CMTM4: variants seen among roughly 807,000 people sequenced by gnomAD.
CMTM4 encodes the protein CKLF like MARVEL transmembrane domain containing 4.
In CMTM4, 8 loss-of-function variants were observed where a neutral mutation model predicts 19.0. The observed-to-expected ratio is 0.42, with a 90% CI of 0.25 to 0.76. The LOEUF (loss-of-function observed/expected upper bound fraction) is 0.76, where lower values mean the gene tolerates loss of function less well. Ranked by LOEUF, CMTM4 falls within the 30% of genes least tolerant of loss-of-function variation. CMTM4 has a pLI of 0.27. For synonymous variants in CMTM4, 106 were observed against 121.1 expected (o/e 0.88, Z 0.82); for missense variants, 228 against 290.2 (o/e 0.79, Z 1.56).
At chr16:66,648,590 G>A (rs957908876) in intron 1 of CMTM4, among the ~76,000 whole-genome samples, 3 of 151,204 alleles carry the variant, frequency 2.0e-5, no homozygotes, top group African/African-American at 4.9e-5. Context: ...CCCGGGAGGC[G>A]GAGGCTGCAG....
intron 2 of CMTM4, among the ~76,000 whole-genome samples, chr16:66,626,447 C>T (rs1201217157): frequency 6.6e-6 from 1 of 152,070 alleles, no homozygotes; most frequent in Non-Finnish European, 1.5e-5. Flanking sequence ...TCTACTAAAA[C>T]ACAAAAAATT....
At position 66,619,277 on chromosome 16, in the gene CMTM4, G is replaced by A. The variant is rs987514179; in HGVS notation, c.*2781C>T. 5 of 985,308 alleles carry A rather than the reference G, an allele frequency of 5.1e-6. No homozygotes were observed. In the African/African-American group the frequency reaches 5.2e-5, roughly 10 times the overall value. 61.0% of individuals were successfully genotyped at this position (985,308 alleles called of 1,614,324 possible). On this transcript the variant is annotated 3_prime_UTR_variant, in exon 4 of 4. Coordinates refer to ENST00000394106, the MANE Select transcript of CMTM4 (RefSeq NM_181521.3). ...AGTGCCAAAATAAACTTTCTCTGAG[G>A]ACATCAGTGTTTGCATCCATCTAAA...
downstream of CMTM4, among the ~76,000 whole-genome samples, chr16:66,614,104 A>C (rs1326433691): frequency 1.3e-5 from 2 of 152,206 alleles, no homozygotes; most frequent in Non-Finnish European, 2.9e-5. The surrounding 1 kb of genome is among the most constrained non-coding windows in gnomAD (Gnocchi z 4.9). Flanking sequence ...TAGGATTCGC[A>C]TTCCTATGAG....
chr16:66,680,852 T>G (rs2016902059), intron 1 of CMTM4, among the ~76,000 whole-genome samples: 1 of 151,486 alleles, frequency 6.6e-6, no homozygotes, highest in Non-Finnish European at 1.5e-5. Flanking sequence ...TTATGTCCTT[T>G]CCATCTCCAC....
chr16:66,622,110 G>A lies in CMTM4; in HGVS notation c.575C>T (p.Thr192Met), dbSNP rs765384276. Residue 192 changes from threonine (T) to methionine (M), a missense_variant, in exon 4 of 4, where the codon ACG becomes ATG. Around this residue, in one of 3 missense-constraint regions of CMTM4, gnomAD observed 200 missense variants for 226.6 expected, o/e 0.88. Coordinates refer to ENST00000394106, the MANE Select transcript of CMTM4 (RefSeq NM_181521.3). This position sits in a 1 kb window ranked among gnomAD's most constrained non-coding sequence, Gnocchi z 4.0. ...GCGACTGTCCACATCCCTGGACTCC[G>A]TGCGGGCTCGGATGTAGTCATTGGT... The part of the protein sequence containing the change: ...QSTNDYIRAR[T>M]ESRDVDSRPE... 14 of 1,600,954 alleles carry A rather than the reference G, an allele frequency of 8.7e-6. No individual in the cohort carries two copies. The highest frequency in any genetic ancestry group is 3.4e-5 in the South Asian group (3 of 88,834).
chr16:66,608,762 C>G, the CMTM4 span, among the ~76,000 whole-genome samples: 532 of 152,264 alleles, frequency 3.5e-3, 15 homozygotes, highest in Admixed American at 0.03. This position sits in a 1 kb window ranked among gnomAD's most constrained non-coding sequence, Gnocchi z 5.1. Context: ...AATGAGCTGC[C>G]GCCACAGGAA....
chr16:66,612,482 T>C (rs1164747823), downstream of CMTM4: 3 of 912,020 alleles, frequency 3.3e-6, no homozygotes, highest in African/African-American at 4.9e-5. This position sits in a 1 kb window ranked among gnomAD's most constrained non-coding sequence, Gnocchi z 6.0. Context: ...CTGGGAACGG[T>C]AGAGTCAGCT....
At chr16:66,608,696 C>T in the CMTM4 span, among the ~76,000 whole-genome samples, 2 of 152,292 alleles carry the variant, frequency 1.3e-5, no homozygotes, top group East Asian at 1.9e-4. The surrounding 1 kb of genome is among the most constrained non-coding windows in gnomAD (Gnocchi z 5.1). Context: ...GCAGGGAACC[C>T]GGAGAGGGGT....
chr16:66,649,668 C>T (rs1053385579), intron 1 of CMTM4, among the ~76,000 whole-genome samples: 1 of 152,180 alleles, frequency 6.6e-6, no homozygotes, highest in African/African-American at 2.4e-5. Context: ...TAAGCCTGGG[C>T]TCAACCTCAG....
chr16:66,651,836 A>C (rs966107394), intron 1 of CMTM4, among the ~76,000 whole-genome samples: 2 of 152,236 alleles, frequency 1.3e-5, no homozygotes, highest in African/African-American at 4.8e-5. Context: ...TAAACTTAAA[A>C]TATCACCCTC....
At chr16:66,609,904 A>G (rs1305560357), downstream of CMTM4, 3 of 1,614,036 alleles carry the variant, frequency 1.9e-6, no homozygotes, top group South Asian at 3.3e-5. This position sits in a 1 kb window ranked among gnomAD's most constrained non-coding sequence, Gnocchi z 4.4. Context: ...CTTTGCTACC[A>G]TCGTGTTTGC....
intron 2 of CMTM4, among the ~76,000 whole-genome samples, chr16:66,633,714 A>G (rs184856240): frequency 6.6e-6 from 1 of 151,882 alleles, no homozygotes; most frequent in Non-Finnish European, 1.5e-5. Context: ...GCTACTCAGG[A>G]GGCTGAGACA....
Position 66,696,336 on chromosome 16 carries a change from C to A in CMTM4, c.186+4G>T. 7.2e-7 allele frequency: 1 copy of A among 1,397,732 alleles called. No homozygotes were observed. The allele number at this position is 1,397,732 out of a possible 1,614,324, so 86.6% of individuals were successfully genotyped here. On this transcript the variant is annotated splice_donor_region_variant and intron_variant, in intron 1 of 3. Transcript: ENST00000394106. This position sits in a 1 kb window ranked among gnomAD's most constrained non-coding sequence, Gnocchi z 4.3. Reference sequence around the variant, plus strand: ...GGGCACCTGGGGCCCCGCCCGGCACCTACCACTTGGGCGACCTTGAGGCGG... The same window carrying A: ...GGGCACCTGGGGCCCCGCCCGGCACATACCACTTGGGCGACCTTGAGGCGG...
At chr16:66,656,216 T>C (rs1395775043) in intron 1 of CMTM4, among the ~76,000 whole-genome samples, 1 of 152,022 alleles carries the variant, frequency 6.6e-6, no homozygotes, top group Non-Finnish European at 1.5e-5. Flanking sequence ...AAGGAAAAAC[T>C]CTTTCCTACA....
Position 66,618,658 on chromosome 16 carries a change from G to T in CMTM4, c.*3400C>A. The stretch of plus-strand genomic sequence containing the variant: ...ACGTACATGAGTGCACAAAGGTGTT[G>T]GAGCTTGGTCTCCTCAGGCTTAACC... On this transcript the variant is annotated 3_prime_UTR_variant, in exon 4 of 4. Coordinates refer to ENST00000394106, the MANE Select transcript of CMTM4 (RefSeq NM_181521.3). 1.0e-6 allele frequency: 1 copy of T among 985,502 alleles called. No individual in the cohort carries two copies. The highest frequency in any genetic ancestry group is 1.2e-6 in the Non-Finnish European group (1 of 829,950). The allele number at this position is 985,502 out of a possible 1,614,324, so 61.0% of individuals were successfully genotyped here. A position where few individuals can be genotyped will look rare whatever the true frequency, so the allele number is the denominator to read the frequency against.
downstream of CMTM4, chr16:66,613,439 T>C (rs1476424244): frequency 5.7e-6 from 2 of 351,262 alleles, no homozygotes; most frequent in Non-Finnish European, 1.1e-5. Flanking sequence ...CAGGCAGGAG[T>C]TCCTGGACCC....
chr16:66,685,330 A>G (rs1401023627), intron 1 of CMTM4, among the ~76,000 whole-genome samples: 1 of 152,122 alleles, frequency 6.6e-6, no homozygotes, highest in African/African-American at 2.4e-5. Context: ...AGAGTCAGTG[A>G]TAACAGCTAT....
intron 2 of CMTM4, among the ~76,000 whole-genome samples, chr16:66,626,773 GAA>G (rs58052690): frequency 8.2e-6 from 1 of 121,942 alleles, no homozygotes; most frequent in African/African-American, 3.1e-5. Flanking sequence ...CCGTCTCAAA[GAA>G]AAAAAAAAAG....
At chr16:66,610,632 G>A (rs562122967), downstream of CMTM4, among the ~76,000 whole-genome samples, 12 of 152,288 alleles carry the variant, frequency 7.9e-5, no homozygotes, top group South Asian at 1.7e-3. The surrounding 1 kb of genome is among the most constrained non-coding windows in gnomAD (Gnocchi z 4.6). Flanking sequence ...AGACCAGGCC[G>A]GTGTAGGGAA....
Sources: allele counts gnomAD v4.1 joint callset (sites outside exome capture counted in the v4.1 genomes callset), GRCh38; gene constraint gnomAD v4.1.1; regional missense constraint gnomAD v4.1.1; non-coding constraint Gnocchi (gnomAD v3.1); transcripts MANE v1.5; gene names NCBI Gene and HGNC (gene_info 2026-07-23, HGNC 2026-07-21).